Variants in HDAC6 observed in about 807,000 individuals in gnomAD.
HDAC6 encodes the protein protein deacetylase HDAC6.
Under a neutral mutation model 88.9 loss-of-function variants are expected in HDAC6, and 5 were observed. That is an observed-to-expected ratio of 0.06 (90% confidence interval 0.03 to 0.12). The LOEUF (loss-of-function observed/expected upper bound fraction) is 0.12, where lower values mean the gene tolerates loss of function less well. Ranked by LOEUF, HDAC6 falls within the 10% of genes least tolerant of loss-of-function variation. The pLI is 1.00. For synonymous variants in HDAC6, 378 were observed against 398.0 expected (o/e 0.95, Z 0.60); for missense variants, 706 against 1,014.4 (o/e 0.70, Z 4.13).
Position 48,816,186 on chromosome X carries a change from T to C in HDAC6, c.1539T>C (p.Arg513=), listed in dbSNP as rs369905433. Residue 513 remains arginine (R), a synonymous_variant, in exon 18 of 29, where the codon CGT becomes CGC. Coordinates refer to ENST00000334136, the MANE Select transcript of HDAC6 (RefSeq NM_006044.4). ...VPQRILRIMC[R]LEELGLAGRC... Reference sequence around the variant, plus strand: ...AGCGCATCTTGCGGATCATGTGCCGTCTGGAGGAGCTGGGCCTTGCCGGGC... The same window carrying C: ...AGCGCATCTTGCGGATCATGTGCCGCCTGGAGGAGCTGGGCCTTGCCGGGC... 9.9e-6 allele frequency: 12 copies of C among 1,209,755 alleles called. No homozygotes were observed. The Middle Eastern group carries it at 1.4e-3, about 138-fold the overall frequency.
chrX:48,815,903 C>T lies in HDAC6; in HGVS notation c.1344C>T (p.Asp448=). The T allele has an allele frequency of 8.3e-7, 1 of 1,210,632 alleles. No individual in the cohort carries two copies. The highest frequency in any genetic ancestry group is 1.8e-5 in the South Asian group (1 of 56,814). The change falls in exon 17 of 29, where the codon GAC becomes GAT. Residue 448 remains aspartate, a synonymous_variant. Transcript: ENST00000334136. ...TTTTAGCTGAGACCGTGGAGAGGGACAACATGGAGGAGGACAATGTAGAGG... is the reference window on the plus strand; with the variant it reads ...TTTTAGCTGAGACCGTGGAGAGGGATAACATGGAGGAGGACAATGTAGAGG... The part of the protein sequence containing the change: ...LVRSTETVER[D]NMEEDNVEES...
At chrX:48,816,351 TG>T in intron 18 of HDAC6, 82 bp downstream of exon 18, 1 of 1,134,225 alleles carries the variant, frequency 8.8e-7, no homozygotes, top group Non-Finnish European at 1.2e-6. Flanking sequence ...TTTCCCCTCC[TG>T]GGGAGCTGCT....
At position 48,814,478 on chromosome X, in the gene HDAC6, G is replaced by A. The variant is rs1157299761; in HGVS notation, c.845G>A (p.Arg282Lys). The A allele has an allele frequency of 8.3e-7, 1 of 1,209,957 alleles. No individual in the cohort carries two copies. Among genetic ancestry groups the A allele is most frequent in the African/African-American group, 1.7e-5 (1 of 57,224 alleles). Residue 282 changes from arginine (R) to lysine (K), a missense_variant, in exon 11 of 29, where the codon AGG (arginine) becomes AAG (lysine). Coordinates refer to ENST00000334136, the MANE Select transcript of HDAC6 (RefSeq NM_006044.4). ...TCCATCCACCGCTACGAGCAGGGTA[G>A]GTTCTGGCCCCACCTGAAGGCCTCT... Reference protein sequence around the residue: ...YFSIHRYEQGRFWPHLKASNW... With the variant: ...YFSIHRYEQGKFWPHLKASNW...
At chrX:48,819,807 T>A in intron 22 of HDAC6, 1 of 383,194 alleles carries the variant, frequency 2.6e-6, no homozygotes, top group Non-Finnish European at 4.7e-6. Context: ...CCCAAAGTGC[T>A]GGGATTACAG....
chrX:48,818,337 A>G lies in HDAC6; in HGVS notation c.2112A>G (p.Ala704=). 8.3e-6 allele frequency: 10 copies of G among 1,205,479 alleles called. No homozygotes were observed. The highest frequency in any genetic ancestry group is 1.1e-5 in the Non-Finnish European group (10 of 892,175). ...GCACAGGCTTCACCGTCAACGTGGC[A>G]TGGAACGGGCCCCGCATGGGTGATG... ...AAGTGFTVNV[A]WNGPRMGDAD... is the part of the protein sequence containing the mutation. The change falls in exon 22 of 29, where the codon GCA becomes GCG. Residue 704 remains alanine (A), a synonymous_variant. Transcript: ENST00000334136.
rs2063115394 is a variant in HDAC6 at position 48,823,362 on chromosome X, C to G, written c.2963C>G (p.Ala988Gly). The change falls in exon 25 of 29, where the codon GCT (alanine) becomes GGT (glycine). Residue 988 changes from alanine to glycine, a missense_variant. This residue lies in a region of HDAC6 where 13 missense variants were observed against 33.4 expected (regional missense o/e 0.39). Coordinates refer to ENST00000334136, the MANE Select transcript of HDAC6 (RefSeq NM_006044.4). ...QTTSEEAVGGATLAQTTSEAA... is the reference protein window; with the variant it reads ...QTTSEEAVGGGTLAQTTSEAA... Reference sequence around the variant, plus strand: ...ACCTCAGAGGAGGCTGTAGGAGGAGCTACACTGGCCCAGACCACCTCGGAG... The same window carrying G: ...ACCTCAGAGGAGGCTGTAGGAGGAGGTACACTGGCCCAGACCACCTCGGAG... The G allele has an allele frequency of 1.1e-5, 13 of 1,206,043 alleles. No individual in the cohort carries two copies. Among genetic ancestry groups the G allele is most frequent in the Non-Finnish European group, 1.5e-5 (13 of 892,522 alleles).
At chrX:48,801,968 G>C (rs2062732551), upstream of HDAC6, 1 of 966,556 alleles carries the variant, frequency 1.0e-6, no homozygotes, top group Admixed American at 3.1e-5. Context: ...GTCGACGGCG[G>C]AGGCGGGAAG....
intron 6 of HDAC6, 91 bp downstream of exon 6, chrX:48,805,762 C>G (rs1557024080): frequency 2.6e-6 from 2 of 756,564 alleles, no homozygotes; most frequent in Non-Finnish European, 4.0e-6. Context: ...ATGTCATGGT[C>G]TCTGCAGCCA....
At chrX:48,807,688 A>G (rs1281806900) in intron 8 of HDAC6, among the ~76,000 whole-genome samples, 2 of 111,087 alleles carry the variant, frequency 1.8e-5, no homozygotes, top group Non-Finnish European at 3.8e-5. Flanking sequence ...AATTTTTTGT[A>G]TTTTTAGTAG....
rs782224712 is a variant in HDAC6 at position 48,805,530 on chromosome X, C to A, written c.396+8C>A. On this transcript the variant is annotated splice_region_variant and intron_variant, in intron 5 of 28. Transcript: ENST00000334136. ...CGCTGCGTGTCCTTTCAGGTAAGGC[C>A]CCCAAGCCAACACTCTGGGTGAAGG... is the stretch of plus-strand genomic sequence containing the variant. 3.3e-6 allele frequency: 4 copies of A among 1,203,554 alleles called. No individual in the cohort carries two copies. The highest frequency in any genetic ancestry group is 4.5e-6 in the Non-Finnish European group (4 of 889,263).
chrX:48,813,456 CTT>C (rs782254362), intron 10 of HDAC6: 17 of 111,942 alleles, frequency 1.5e-4, no homozygotes, highest in Admixed American at 5.7e-4. Context: ...AAATGTGACT[CTT>C]AAGTTTGTCT....
rs2062970103 is a variant in HDAC6, at chrX:48,815,507, G to A, written c.1256+17G>A. The A allele has an allele frequency of 2.5e-6, 3 of 1,196,652 alleles. No individual in the cohort carries two copies. The Admixed American group carries it at 6.6e-5, about 26-fold the overall frequency. ...CTGCCGGAGGTGAGCCCCGGTGGAG[G>A]AGGGGAAAGCGGGAGCCTCACTGCC... On this transcript the variant is annotated intron_variant, in intron 15 of 28. Transcript: ENST00000334136.
rs1557030385 is a variant in HDAC6, at chrX:48,822,770, T to C, written c.2488T>C (p.Tyr830His). The change falls in exon 24 of 29, where the codon TAC (tyrosine) becomes CAC (histidine). Residue 830 changes from tyrosine (Y) to histidine (H), a missense_variant. Physicochemically the swap from Tyr to His is moderately conservative, Grantham distance 83. Around this residue, in one of 9 missense-constraint regions of HDAC6, gnomAD observed 138 missense variants for 303.5 expected, o/e 0.45. Coordinates refer to ENST00000334136, the MANE Select transcript of HDAC6 (RefSeq NM_006044.4). ...ITETIQVHRRYWRSLRVMKVE... is the reference protein window; with the variant it reads ...ITETIQVHRRHWRSLRVMKVE... ...TGAGACCATCCAAGTCCATCGCAGA[T>C]ACTGGCGCAGCTTACGGGTCATGAG... 25 of 1,203,184 alleles carry C rather than the reference T, an allele frequency of 2.1e-5. 1 individual carries two copies. Among genetic ancestry groups the C allele is most frequent in the Non-Finnish European group, 2.8e-5 (25 of 890,624 alleles).
chrX:48,813,650 C>T (rs1225999373), intron 10 of HDAC6: 1 of 112,252 alleles, frequency 8.9e-6, no homozygotes, highest in Non-Finnish European at 1.9e-5. Flanking sequence ...TCTGTCAAAA[C>T]ACGTGCATCG....
rs1557031449 is a variant in HDAC6 at position 48,824,019 on chromosome X, G to A, written c.3401G>A (p.Gly1134Glu). 8.3e-7 allele frequency: 1 copy of A among 1,211,356 alleles called. No individual in the cohort carries two copies. Among genetic ancestry groups the A allele is most frequent in the South Asian group, 1.8e-5 (1 of 56,978 alleles). ...AAGLDVTQPC[G>E]DCGTIQENWV... Reference sequence around the variant, plus strand: ...GGCCTAGACGTGACCCAACCTTGTGGGGACTGTGGAACAATCCAAGAGAAT... The same window carrying A: ...GGCCTAGACGTGACCCAACCTTGTGAGGACTGTGGAACAATCCAAGAGAAT... The change falls in exon 27 of 29, where the codon GGG becomes GAG. Residue 1134 changes from glycine (G) to glutamate (E), a missense_variant. By Grantham distance (98) the Gly-to-Glu change is moderately conservative. This residue lies in a region of HDAC6 where 112 missense variants were observed against 95.1 expected (regional missense o/e 1.18). Transcript: ENST00000334136.
rs1557028246 is a variant in HDAC6, at chrX:48,818,063, G to A, written c.1948G>A (p.Val650Ile). The A allele has an allele frequency of 3.3e-6, 4 of 1,198,535 alleles. No individual in the cohort carries two copies. The highest frequency in any genetic ancestry group is 4.5e-6 in the Non-Finnish European group (4 of 889,132). ...ALRILIVDWD[V>I]HHGNGTQHMF... ...CAGGATCCTGATTGTGGATTGGGAT[G>A]TCCACCACGGTAATGGAACTCAGCA... is the stretch of plus-strand genomic sequence containing the variant. The change falls in exon 21 of 29, where the codon GTC (valine) becomes ATC (isoleucine). Residue 650 changes from valine to isoleucine, a missense_variant. Physicochemically the swap from Val to Ile is conservative, Grantham distance 29. Around this residue, in one of 9 missense-constraint regions of HDAC6, gnomAD observed 138 missense variants for 303.5 expected, o/e 0.45. Transcript: ENST00000334136.
intron 26 of HDAC6, 48 bp from the exon 27 acceptor site, chrX:48,823,874 T>C: frequency 8.3e-7 from 1 of 1,198,693 alleles, no homozygotes; most frequent in Non-Finnish European, 1.1e-6. Context: ...AAACATATAA[T>C]GGGGAGATGG....
In HDAC6 at chrX:48,806,696, G is replaced by A; in HGVS notation, c.622G>A (p.Ala208Thr). ...VLGAEIRNGM[A>T]IIRPPGHHAQ... is the part of the protein sequence containing the mutation. Reference sequence around the variant, plus strand: ...GGGGGCTGAGATCCGGAATGGCATGGCCATCATTAGGTAGGACTCTACAGC... The same window carrying A: ...GGGGGCTGAGATCCGGAATGGCATGACCATCATTAGGTAGGACTCTACAGC... The change falls in exon 8 of 29, where the codon GCC becomes ACC. Residue 208 changes from alanine (A) to threonine (T), a missense_variant. Physicochemically the swap from Ala to Thr is moderately conservative, Grantham distance 58. This residue lies in a region of HDAC6 where 193 missense variants were observed against 258.2 expected (regional missense o/e 0.75). Coordinates refer to ENST00000334136, the MANE Select transcript of HDAC6 (RefSeq NM_006044.4). 1 of 1,184,683 alleles carries A rather than the reference G, an allele frequency of 8.4e-7. No homozygotes were observed. The highest frequency in any genetic ancestry group is 1.1e-6 in the Non-Finnish European group (1 of 872,186).
At position 48,814,698 on chromosome X, in the gene HDAC6, C is replaced by T. The variant is rs146634571; in HGVS notation, c.957C>T (p.Tyr319=). Residue 319 remains tyrosine, a synonymous_variant, in exon 12 of 29, where the codon TAC becomes TAT. Transcript: ENST00000334136. ...AGGTGGGGATGCGGGATGCTGACTACATTGCTGCTTTCCTGCACGTCCTGC... is the reference window on the plus strand; with the variant it reads ...AGGTGGGGATGCGGGATGCTGACTATATTGCTGCTTTCCTGCACGTCCTGC... The part of the protein sequence containing the change: ...WNQVGMRDAD[Y]IAAFLHVLLP... 5.8e-6 allele frequency: 7 copies of T among 1,211,124 alleles called. No individual in the cohort carries two copies. Among genetic ancestry groups the T allele is most frequent in the African/African-American group, 1.7e-5 (1 of 57,941 alleles).
Sources: allele counts gnomAD v4.1 joint callset (sites outside exome capture counted in the v4.1 genomes callset), GRCh38; gene constraint gnomAD v4.1.1; regional missense constraint gnomAD v4.1.1; transcripts MANE v1.5; gene names NCBI Gene and HGNC (gene_info 2026-07-23, HGNC 2026-07-21).